STK10: variants seen among roughly 807,000 people sequenced by gnomAD.
STK10 encodes serine/threonine-protein kinase 10.
In STK10, 78 loss-of-function variants were observed where a neutral mutation model predicts 113.8. The ratio of observed to expected loss-of-function variants is 0.69; its 90% CI spans 0.57 to 0.83. The LOEUF (loss-of-function observed/expected upper bound fraction) is 0.83, where lower values mean the gene tolerates loss of function less well. Among genes scored for constraint, STK10 ranks in the 40% least tolerant of loss-of-function variants. STK10 has a pLI of 0.00. For missense variants in STK10, 1,109 were observed against 1,280.1 expected, an observed-to-expected ratio of 0.87 and a Z score of 2.04; for synonymous variants, 465 against 494.7, an observed-to-expected ratio of 0.94 and a Z score of 0.80.
At chr5:172,061,627 T>C (rs1767939927) in intron 13 of STK10, 1 of 165,258 alleles carries the variant, frequency 6.1e-6, no homozygotes, top group Non-Finnish European at 1.3e-5. Flanking sequence ...AATTTTTGTA[T>C]TTTTAGTAGA....
chr5:172,177,877 G>A (rs1380196248), intron 1 of STK10, among the ~76,000 whole-genome samples: 1 of 152,128 alleles, frequency 6.6e-6, no homozygotes, highest in Non-Finnish European at 1.5e-5. Flanking sequence ...GCCCAGGCTG[G>A]AGTGCAATGG....
rs2113706928 is a variant in STK10 at position 172,064,682 on chromosome 5, C to A, written c.2082+38G>T. On this transcript the variant is annotated intron_variant, in intron 13 of 18. Coordinates refer to ENST00000176763, the MANE Select transcript of STK10 (RefSeq NM_005990.4). ...CCTGGTCACCATTCCAGGTCTCGCA[C>A]CAGCCCCTGCGCTCCCCAGCTGAGG... 1.9e-6 allele frequency: 3 copies of A among 1,609,368 alleles called. No individual in the cohort carries two copies. The South Asian group carries it at 3.3e-5, about 18-fold the overall frequency.
At chr5:172,057,533 C>A in intron 14 of STK10, 60 bp from the exon 15 acceptor site, 1 of 1,522,878 alleles carries the variant, frequency 6.6e-7, no homozygotes, top group Non-Finnish European at 8.9e-7. Flanking sequence ...CGACAGGCCC[C>A]CTGCCCCCCA....
At chr5:172,130,895 C>T (rs529514380) in intron 2 of STK10, among the ~76,000 whole-genome samples, 18 of 152,094 alleles carry the variant, frequency 1.2e-4, no homozygotes, top group Non-Finnish European at 1.9e-4. Context: ...CTTAGGATTC[C>T]TACAAAAATA....
rs373375910 is a variant in STK10, at chr5:172,093,685, C to T, written c.1281G>A (p.Glu427=). 4 of 1,614,126 alleles carry T rather than the reference C, an allele frequency of 2.5e-6. No homozygotes were observed. Among genetic ancestry groups the T allele is most frequent in the Admixed American group, 3.3e-5 (2 of 60,010 alleles). Reference sequence around the variant, plus strand: ...CCCCACCCTGCTCAGCAACTTGCTTCTCCTGGGCTACCTGAATTCTGGCAT... The same window carrying T: ...CCCCACCCTGCTCAGCAACTTGCTTTTCCTGGGCTACCTGAATTCTGGCAT... The part of the protein sequence containing the change: ...SMDARIQVAQ[E]KQVAEQGGDL... Residue 427 remains glutamate, a synonymous_variant, in exon 9 of 19, where the codon GAG becomes GAA. Coordinates refer to ENST00000176763, the MANE Select transcript of STK10 (RefSeq NM_005990.4). This position sits in a 1 kb window ranked among gnomAD's most constrained non-coding sequence, Gnocchi z 4.1.
chr5:172,118,866 G>A (rs866163249), intron 3 of STK10, among the ~76,000 whole-genome samples: 3 of 115,980 alleles, frequency 2.6e-5, no homozygotes, highest in Admixed American at 8.6e-5. Flanking sequence ...GTGACAGAGC[G>A]AGACTCAGTC....
At chr5:172,056,900 GAGAA>G (rs752539716) in intron 15 of STK10, 142 of 120,428 alleles carry the variant, frequency 1.2e-3, no homozygotes, top group East Asian at 9.1e-3. Flanking sequence ...AAAGAAAGAA[GAGAA>G]AGAAAGAAAG....
intron 1 of STK10, among the ~76,000 whole-genome samples, chr5:172,183,900 A>G (rs1164636421): frequency 6.6e-6 from 1 of 152,172 alleles, no homozygotes; most frequent in African/African-American, 2.4e-5. Context: ...CCTGAGGCAG[A>G]CACATTAAGG....
chr5:172,082,588 C>T lies in STK10; in HGVS notation c.1810-83G>A. 2 of 1,476,602 alleles carry T rather than the reference C, an allele frequency of 1.4e-6. No homozygotes were observed. The highest frequency in any genetic ancestry group is 1.8e-6 in the Non-Finnish European group (2 of 1,104,394). 91.5% of individuals were successfully genotyped at this position (1,476,602 alleles called of 1,614,324 possible). ...CATGGGAAGTGGAATGGGGAGAACT[C>T]AGAGCTTGTGATCAGACCTAAGCTT... On this transcript the variant is annotated intron_variant, in intron 11 of 18. Transcript: ENST00000176763. The surrounding 1 kb of genome is among the most constrained non-coding windows in gnomAD (Gnocchi z 4.3).
chr5:172,184,464 T>C (rs985681354), intron 1 of STK10, among the ~76,000 whole-genome samples: 1 of 151,444 alleles, frequency 6.6e-6, no homozygotes, highest in African/African-American at 2.4e-5. Context: ...ACATATGGGG[T>C]TGGCTTAGGT....
intron 18 of STK10, among the ~76,000 whole-genome samples, chr5:172,048,877 C>T (rs1292563830): frequency 6.6e-6 from 1 of 152,078 alleles, no homozygotes; most frequent in African/African-American, 2.4e-5. Context: ...ACCGTCACCA[C>T]CACTCTCTCC....
At chr5:172,165,879 C>T (rs978639416) in intron 1 of STK10, among the ~76,000 whole-genome samples, 2 of 152,036 alleles carry the variant, frequency 1.3e-5, no homozygotes, top group African/African-American at 2.4e-5. Flanking sequence ...CTGCAACCTC[C>T]ACCTCCCGGA....
At chr5:172,138,295 T>C (rs1230028371) in intron 2 of STK10, among the ~76,000 whole-genome samples, 1 of 152,096 alleles carries the variant, frequency 6.6e-6, no homozygotes, top group Non-Finnish European at 1.5e-5. Flanking sequence ...CTAATTTTTT[T>C]GTATTTTTAG....
At chr5:172,052,600 C>T (rs1053852941) in intron 18 of STK10, among the ~76,000 whole-genome samples, 3 of 152,248 alleles carry the variant, frequency 2.0e-5, no homozygotes, top group Non-Finnish European at 1.5e-5. Context: ...ATAACTTCCT[C>T]TAAGAGAAAA....
chr5:172,100,736 G>A (rs896261995), intron 7 of STK10, among the ~76,000 whole-genome samples: 1 of 152,074 alleles, frequency 6.6e-6, no homozygotes, highest in Non-Finnish European at 1.5e-5. Flanking sequence ...GCAGTGAACC[G>A]AGATCAGGCC....
At chr5:172,123,134 C>G (rs916803569) in intron 3 of STK10, among the ~76,000 whole-genome samples, 1 of 152,204 alleles carries the variant, frequency 6.6e-6, no homozygotes, top group Admixed American at 6.5e-5. Context: ...GCCCCAAGCT[C>G]AGGCCAGTAA....
intron 4 of STK10, among the ~76,000 whole-genome samples, chr5:172,112,688 G>A (rs1046178579): frequency 6.6e-6 from 1 of 151,528 alleles, no homozygotes; most frequent in Non-Finnish European, 1.5e-5. Flanking sequence ...CAAAGTGCTG[G>A]GATTACAGGT....
At chr5:172,104,256 C>T (rs11952459) in intron 7 of STK10, among the ~76,000 whole-genome samples, 5,353 of 152,316 alleles carry the variant, frequency 0.035, 304 homozygotes, top group African/African-American at 0.12. Flanking sequence ...TCCTCCCCCT[C>T]TTCCATCAGT....
At chr5:172,142,795 A>G (rs1316028369) in intron 2 of STK10, among the ~76,000 whole-genome samples, 1 of 152,208 alleles carries the variant, frequency 6.6e-6, no homozygotes, top group Non-Finnish European at 1.5e-5. Context: ...CAGGAAGATT[A>G]AGGTCACAGA....
Sources: gnomAD v4.1 joint callset for allele counts (sites outside exome capture counted in the v4.1 genomes callset) on GRCh38, gnomAD v4.1.1 for gene constraint, Gnocchi (gnomAD v3.1) non-coding constraint, MANE v1.5 for transcripts, NCBI Gene and HGNC (gene_info 2026-07-23, HGNC 2026-07-21) for gene names.